Variants in INPP5D observed in about 807,000 individuals in gnomAD.
INPP5D encodes the protein phosphatidylinositol 3,4,5-trisphosphate 5-phosphatase 1.
In INPP5D, 33 loss-of-function variants were observed where a neutral mutation model predicts 122.9. The ratio of observed to expected loss-of-function variants is 0.27; its 90% CI spans 0.20 to 0.36. The LOEUF (loss-of-function observed/expected upper bound fraction) is 0.36, where lower values mean the gene tolerates loss of function less well. Ranked by LOEUF, INPP5D falls within the 10% of genes least tolerant of loss-of-function variation. INPP5D has a pLI of 1.00. For missense variants in INPP5D, 1,053 were observed against 1,412.7 expected (o/e 0.75, Z 4.08); for synonymous variants, 584 against 576.2 (o/e 1.01, Z -0.19).
chr2:233,102,598 C>T (rs908116754), intron 2 of INPP5D, among the ~76,000 whole-genome samples: 2 of 150,990 alleles, frequency 1.3e-5, no homozygotes, highest in Admixed American at 6.6e-5. Flanking sequence ...CCTGTAATCC[C>T]AGCACTTTGA....
chr2:233,079,202 G>A, intron 1 of INPP5D, 133 bp from the exon 2 acceptor site: 1 of 650,652 alleles, frequency 1.5e-6, no homozygotes, highest in Non-Finnish European at 2.8e-6. Flanking sequence ...CATCTTAAGA[G>A]AACGGTCAGC....
chr2:233,074,292 C>T (rs534395729), intron 1 of INPP5D, among the ~76,000 whole-genome samples: 12 of 152,108 alleles, frequency 7.9e-5, no homozygotes, highest in South Asian at 2.1e-4. Flanking sequence ...GCGCCTCATA[C>T]CTGGGTCTTG....
chr2:233,076,502 CAT>C (rs1454203374), intron 1 of INPP5D: 1 of 152,094 alleles, frequency 6.6e-6, no homozygotes, highest in Admixed American at 6.5e-5. Context: ...AGTGAAGAGA[CAT>C]GTGGAAGTGA....
At chr2:233,178,438 G>A (rs958866008) in intron 18 of INPP5D, among the ~76,000 whole-genome samples, 1 of 151,466 alleles carries the variant, frequency 6.6e-6, no homozygotes, top group Non-Finnish European at 1.5e-5. Flanking sequence ...ACACTTCACT[G>A]ACTGAGAATT....
chr2:233,073,513 G>A (rs1317244051), intron 1 of INPP5D, among the ~76,000 whole-genome samples: 3 of 151,862 alleles, frequency 2.0e-5, no homozygotes, highest in Non-Finnish European at 4.4e-5. Context: ...GGTGGCGGGT[G>A]CCTGTAATCC....
intron 1 of INPP5D, among the ~76,000 whole-genome samples, chr2:233,065,869 A>G (rs1330532680): frequency 7.0e-6 from 1 of 143,708 alleles, no homozygotes; most frequent in African/African-American, 2.6e-5. Flanking sequence ...CTGGTCTCAA[A>G]CTCCTGACCT....
chr2:233,116,005 C>T (rs548035709), intron 2 of INPP5D, among the ~76,000 whole-genome samples: 102 of 152,108 alleles, frequency 6.7e-4, no homozygotes, highest in Non-Finnish European at 1.3e-3. Context: ...TGCTGGAAGT[C>T]ACCCAGAACT....
chr2:233,198,410 C>G, intron 25 of INPP5D, 34 bp downstream of exon 25: 1 of 1,583,732 alleles, frequency 6.3e-7, no homozygotes, highest in Non-Finnish European at 8.6e-7. Flanking sequence ...GGCTCCCTCC[C>G]TCCTTATGAA....
At chr2:233,087,807 G>C (rs1188683787) in intron 2 of INPP5D, among the ~76,000 whole-genome samples, 2 of 152,176 alleles carry the variant, frequency 1.3e-5, no homozygotes, top group Non-Finnish European at 2.9e-5. Context: ...CACCCTTGCT[G>C]TAGTCATCAA....
At chr2:233,131,551 T>A (rs981406840) in intron 5 of INPP5D, among the ~76,000 whole-genome samples, 3 of 143,628 alleles carry the variant, frequency 2.1e-5, no homozygotes, top group Non-Finnish European at 3.1e-5. Context: ...AAAAAAAAAA[T>A]TAGCTGGATG....
chr2:233,108,820 C>T (rs187868440), intron 2 of INPP5D, among the ~76,000 whole-genome samples: 2,604 of 152,268 alleles, frequency 0.017, 60 homozygotes, highest in African/African-American at 0.055. Flanking sequence ...GCACTTACCC[C>T]GGTACCGCAA....
At chr2:233,114,495 CAGATG>C (rs1168929365) in intron 2 of INPP5D, among the ~76,000 whole-genome samples, 1 of 152,214 alleles carries the variant, frequency 6.6e-6, no homozygotes, top group African/African-American at 2.4e-5. Flanking sequence ...GCCTTTCCCT[CAGATG>C]AGCTGGCTCA....
chr2:233,176,117 G>C, intron 17 of INPP5D, among the ~76,000 whole-genome samples: 1 of 152,244 alleles, frequency 6.6e-6, no homozygotes, highest in East Asian at 1.9e-4. Context: ...GCTAGAACAT[G>C]AGGGGATAAG....
intron 2 of INPP5D, among the ~76,000 whole-genome samples, chr2:233,086,513 T>C (rs950642902): frequency 3.9e-5 from 6 of 151,980 alleles, no homozygotes; most frequent in Non-Finnish European, 7.4e-5. Context: ...GAAGCTGCCA[T>C]AGGATGTGAT....
chr2:233,103,702 CTTTT>C (rs61589704), intron 2 of INPP5D, among the ~76,000 whole-genome samples: 3 of 116,158 alleles, frequency 2.6e-5, no homozygotes, highest in Admixed American at 8.9e-5. Context: ...AAAAGTAGTT[CTTTT>C]TTTTTTTTTT....
chr2:233,198,529 C>T (rs765568077), intron 25 of INPP5D, among the ~76,000 whole-genome samples, 153 bp downstream of exon 25: 14 of 152,362 alleles, frequency 9.2e-5, no homozygotes, highest in Middle Eastern at 3.4e-3. Context: ...CAGCAGGCCC[C>T]TGACATGTAT....
rs1408423813 is a variant in INPP5D, at chr2:233,080,086, T to A, written c.198+688T>A. Among the ~76,000 whole-genome samples, 3 of 152,108 alleles carry A rather than the reference T, an allele frequency of 2.0e-5. No individual in the cohort carries two copies. In the East Asian group the frequency reaches 5.8e-4, roughly 29 times the overall value. ...CTGGGATTATAGGTGCCCGCCACCATGCCCGGCTGATTTTTGTATTTTTGG... is the reference window on the plus strand; with the variant it reads ...CTGGGATTATAGGTGCCCGCCACCAAGCCCGGCTGATTTTTGTATTTTTGG... On this transcript the variant is annotated intron_variant, in intron 2 of 26. Transcript: ENST00000445964.
intron 17 of INPP5D, among the ~76,000 whole-genome samples, chr2:233,173,325 G>T (rs753971909): frequency 1.3e-5 from 2 of 152,088 alleles, no homozygotes; most frequent in African/African-American, 4.8e-5. Flanking sequence ...GAATGAGTGC[G>T]AAGGCCTAGG....
chr2:233,066,011 T>C (rs971492558), intron 1 of INPP5D, among the ~76,000 whole-genome samples: 2 of 151,864 alleles, frequency 1.3e-5, no homozygotes, highest in Non-Finnish European at 1.5e-5. Context: ...TTGCCCAGGT[T>C]GGAGTGCAGT....
Sources: allele counts gnomAD v4.1 joint callset (sites outside exome capture counted in the v4.1 genomes callset), GRCh38; gene constraint gnomAD v4.1.1; transcripts MANE v1.5; gene names NCBI Gene and HGNC (gene_info 2026-07-23, HGNC 2026-07-21).